The following CNTN5 variants were observed in gnomAD, a reference collection of about 807,000 sequenced individuals.
CNTN5 encodes contactin 5.
In CNTN5, 77 loss-of-function variants were observed where a neutral mutation model predicts 129.1. The ratio of observed to expected loss-of-function variants is 0.60; its 90% confidence interval spans 0.50 to 0.72. The LOEUF (loss-of-function observed/expected upper bound fraction) is 0.72. CNTN5 is among the 30% of genes least tolerant of loss of function. The pLI is 0.00. For synonymous variants in CNTN5, 509 were observed against 465.6 expected (o/e 1.09, Z -1.20); for missense variants, 1,478 against 1,328.8 (o/e 1.11, Z -1.75).
At chr11:99,551,461 C>T (rs901130891) in intron 2 of CNTN5, among the ~76,000 whole-genome samples, 1 of 152,108 alleles carries the variant, frequency 6.6e-6, no homozygotes, top group Non-Finnish European at 1.5e-5. Flanking sequence ...AAATTAGCTT[C>T]ATCAATAAGA....
chr11:99,753,617 T>C (rs568934831), intron 3 of CNTN5, among the ~76,000 whole-genome samples: 1 of 144,402 alleles, frequency 6.9e-6, no homozygotes, highest in South Asian at 2.2e-4. Flanking sequence ...CTCACAGTTT[T>C]AAGCAGATGT....
chr11:100,071,716 G>C lies in CNTN5; in HGVS notation c.1311G>C (p.Glu437Asp). The C allele has an allele frequency of 6.3e-7, 1 of 1,584,408 alleles. No individual in the cohort carries two copies. Among genetic ancestry groups the C allele is most frequent in the Non-Finnish European group, 8.6e-7 (1 of 1,164,784 alleles). ...TAATTCCATTACAGAGTAGGGTTGAGATGGTTAATGGAGTATTGATGATCC... is the reference window on the plus strand; with the variant it reads ...TAATTCCATTACAGAGTAGGGTTGACATGGTTAATGGAGTATTGATGATCC... ...GVPLSPQSRVEMVNGVLMIHN... is the reference protein window; with the variant it reads ...GVPLSPQSRVDMVNGVLMIHN... The change falls in exon 12 of 25, where the codon GAG (glutamate) becomes GAC (aspartate). Residue 437 changes from glutamate to aspartate, a missense_variant. Glu to Asp is a conservative substitution (Grantham distance 45, BLOSUM62 2). Coordinates refer to ENST00000524871, the MANE Select transcript of CNTN5 (RefSeq NM_014361.4).
At chr11:99,735,077 A>G (rs749134559) in intron 3 of CNTN5, among the ~76,000 whole-genome samples, 5 of 152,198 alleles carry the variant, frequency 3.3e-5, no homozygotes, top group Non-Finnish European at 7.3e-5. Flanking sequence ...AGAAGTCAAC[A>G]TCTTAGGTTC....
chr11:99,127,125 C>T (rs1411789616), intron 1 of CNTN5, among the ~76,000 whole-genome samples: 1 of 152,100 alleles, frequency 6.6e-6, no homozygotes, highest in Non-Finnish European at 1.5e-5. Context: ...ATGAAGCACC[C>T]CCATATACTT....
At chr11:99,846,061 A>G (rs1947683211) in intron 6 of CNTN5, among the ~76,000 whole-genome samples, 1 of 151,618 alleles carries the variant, frequency 6.6e-6, no homozygotes, top group Non-Finnish European at 1.5e-5. Flanking sequence ...TTAGATTTTG[A>G]CTATATCTCC....
At position 99,767,680 on chromosome 11, in the gene CNTN5, C is replaced by G. The variant is rs1213448971; in HGVS notation, c.56-51864C>G. On this transcript the variant is annotated intron_variant, in intron 3 of 24. Transcript: ENST00000524871. ...GAATGTGAAGTTTAATATTCTCTGG[C>G]TGATCATGCTTTTTGTTTGCTTCTA... 2.0e-5 allele frequency among the ~76,000 whole-genome samples: 3 copies of G among 150,480 alleles called. 1 individual carries two copies. Among genetic ancestry groups the G allele is most frequent in the Non-Finnish European group, 4.4e-5 (3 of 67,698 alleles).
At chr11:99,378,491 G>A (rs757120160) in intron 2 of CNTN5, among the ~76,000 whole-genome samples, 2 of 152,056 alleles carry the variant, frequency 1.3e-5, no homozygotes, top group Non-Finnish European at 2.9e-5. Context: ...GGAAAGGCAA[G>A]CATTGAAGAT....
intron 6 of CNTN5, among the ~76,000 whole-genome samples, chr11:99,862,610 T>G (rs1948242595): frequency 6.6e-6 from 1 of 151,990 alleles, no homozygotes; most frequent in African/African-American, 2.4e-5. Context: ...AATATATTTT[T>G]TATTTAGTTT....
Position 99,656,298 on chromosome 11 carries a change from C to T in CNTN5, c.55+100029C>T, listed in dbSNP as rs1494478. 6.2e-3 allele frequency among the ~76,000 whole-genome samples: 938 copies of T among 152,174 alleles called. 13 individuals are homozygous for T. Among genetic ancestry groups the T allele is most frequent in the Non-Finnish European group, 7.5e-3 (510 of 67,998 alleles). On this transcript the variant is annotated intron_variant, in intron 3 of 24. Transcript: ENST00000524871. ...TTGCATTTTATTGCTACTCTTTCTC[C>T]CTCCACCTTCTTAATTTCAAAGAGA...
intron 2 of CNTN5, among the ~76,000 whole-genome samples, chr11:99,498,275 A>G (rs1217845281): frequency 6.6e-6 from 1 of 152,158 alleles, no homozygotes; most frequent in South Asian, 2.1e-4. Flanking sequence ...TCTAAATAGC[A>G]TTATCGCAGT....
chr11:99,365,470 A>C (rs1434197257), intron 2 of CNTN5, among the ~76,000 whole-genome samples: 1 of 152,164 alleles, frequency 6.6e-6, no homozygotes, highest in Admixed American at 6.6e-5. Flanking sequence ...GAACATGTGG[A>C]GAGAAGAGAA....
chr11:100,196,859 T>C (rs1948652268), intron 15 of CNTN5, among the ~76,000 whole-genome samples: 1 of 151,988 alleles, frequency 6.6e-6, no homozygotes, highest in Non-Finnish European at 1.5e-5. Flanking sequence ...CTAGTGAGTA[T>C]ATTCTTAAGA....
chr11:99,502,671 A>G (rs554586651), intron 2 of CNTN5, among the ~76,000 whole-genome samples: 4 of 152,296 alleles, frequency 2.6e-5, no homozygotes, highest in Admixed American at 1.3e-4. Context: ...CAGTTTTTAT[A>G]GCAGTATGAA....
At chr11:99,598,097 G>T (rs1305028318) in intron 3 of CNTN5, among the ~76,000 whole-genome samples, 3 of 152,104 alleles carry the variant, frequency 2.0e-5, no homozygotes, top group Non-Finnish European at 1.5e-5. Context: ...TAGGGAATAT[G>T]ATACCAGTTT....
At chr11:99,862,870 G>C (rs1010217194) in intron 6 of CNTN5, among the ~76,000 whole-genome samples, 1 of 151,884 alleles carries the variant, frequency 6.6e-6, no homozygotes, top group African/African-American at 2.4e-5. Flanking sequence ...GCTTAATAAA[G>C]GCATGTAACC....
intron 2 of CNTN5, among the ~76,000 whole-genome samples, chr11:99,502,604 C>G (rs1439128844): frequency 6.6e-6 from 1 of 152,162 alleles, no homozygotes; most frequent in Non-Finnish European, 1.5e-5. Flanking sequence ...CCTCCCCAAG[C>G]ATGCTGAACT....
At chr11:100,197,532 A>G (rs17094600) in intron 15 of CNTN5, among the ~76,000 whole-genome samples, 11,626 of 151,900 alleles carry the variant, frequency 0.077, 450 homozygotes, top group Non-Finnish European at 0.086. Flanking sequence ...CTGACTTGAG[A>G]GTTTATGTTG....
intron 6 of CNTN5, among the ~76,000 whole-genome samples, chr11:99,915,235 G>A (rs1949757494): frequency 6.6e-6 from 1 of 152,010 alleles, no homozygotes; most frequent in African/African-American, 2.4e-5. Context: ...CAGGAAAAAG[G>A]AAAGGAGCGT....
intron 1 of CNTN5, among the ~76,000 whole-genome samples, chr11:99,129,898 C>G (rs1858845141): frequency 6.6e-6 from 1 of 152,176 alleles, no homozygotes; most frequent in African/African-American, 2.4e-5. Context: ...AAATCCTTTT[C>G]AGGCAAGCAA....
Sources: allele counts gnomAD v4.1 joint callset (sites outside exome capture counted in the v4.1 genomes callset), GRCh38; gene constraint gnomAD v4.1.1; transcripts MANE v1.5; gene names NCBI Gene and HGNC (gene_info 2026-07-23, HGNC 2026-07-21).